Variants in FRY observed in about 807,000 individuals in gnomAD.
The protein encoded by FRY is protein furry homolog.
Under a neutral mutation model 348.4 loss-of-function variants are expected in FRY, and 128 were observed. The ratio of observed to expected loss-of-function variants is 0.37; its 90% confidence interval spans 0.32 to 0.43. FRY has a LOEUF of 0.43. Ranked by LOEUF, FRY falls within the 20% of genes least tolerant of loss-of-function variation. The probability of loss-of-function intolerance (pLI) is 1.00; values close to 1 mark genes in which losing one functional copy is unlikely to be tolerated. For missense variants in FRY, 2,736 were observed against 3,695.2 expected (o/e 0.74, Z 6.73); for synonymous variants, 1,370 against 1,374.7 (o/e 1.00, Z 0.08).
chr13:32,101,436 T>A (rs1398262318), intron 2 of FRY, among the ~76,000 whole-genome samples: 1 of 152,248 alleles, frequency 6.6e-6, no homozygotes, highest in Non-Finnish European at 1.5e-5. Flanking sequence ...AACATGAGCA[T>A]GCAGATATCT....
At chr13:32,070,283 C>T (rs1378875774) in intron 1 of FRY, among the ~76,000 whole-genome samples, 4 of 152,160 alleles carry the variant, frequency 2.6e-5, no homozygotes, top group Admixed American at 6.5e-5. Flanking sequence ...CTTGAGGAAT[C>T]GCCACACAGT....
chr13:32,058,449 AG>A (rs2138431632), intron 1 of FRY, among the ~76,000 whole-genome samples: 1 of 152,318 alleles, frequency 6.6e-6, no homozygotes, highest in South Asian at 2.1e-4. Context: ...GAAATGTGAA[AG>A]GCATTCTCTT....
intron 35 of FRY, among the ~76,000 whole-genome samples, chr13:32,216,398 C>T (rs1300772725): frequency 6.6e-6 from 1 of 152,194 alleles, no homozygotes; most frequent in Non-Finnish European, 1.5e-5. Context: ...GGGACTTGCT[C>T]CTCCCCTTTA....
At chr13:32,216,024 T>C (rs1247722954) in intron 35 of FRY, among the ~76,000 whole-genome samples, 1 of 152,214 alleles carries the variant, frequency 6.6e-6, no homozygotes, top group African/African-American at 2.4e-5. Flanking sequence ...TCTAAATTGA[T>C]AGTGTTGATA....
rs745662126 is a variant in FRY, at chr13:32,185,010, C to T, written c.3181C>T (p.Leu1061=). The T allele has an allele frequency of 6.2e-7, 1 of 1,613,832 alleles. No individual in the cohort carries two copies. The highest frequency in any genetic ancestry group is 8.5e-7 in the Non-Finnish European group (1 of 1,179,930). The part of the protein sequence containing the change: ...NGALERDTLA[L]GALFLEYVDL... Reference sequence around the variant, plus strand: ...AGCCCTAGAGCGGGATACTTTAGCCCTGGGAGCTTTGTTCTTAGAATATGT... The same window carrying T: ...AGCCCTAGAGCGGGATACTTTAGCCTTGGGAGCTTTGTTCTTAGAATATGT... Residue 1061 remains leucine, a synonymous_variant, in exon 26 of 61, where the codon CTG becomes TTG. Transcript: ENST00000542859.
At chr13:32,274,615 A>G (rs936312711) in intron 55 of FRY, among the ~76,000 whole-genome samples, 7 of 148,750 alleles carry the variant, frequency 4.7e-5, no homozygotes, top group Admixed American at 6.8e-5. Context: ...GAGGCAGGAG[A>G]ATGGCGTGAA....
At chr13:32,287,809 C>T (rs1257449127) in intron 58 of FRY, 2 of 1,066,032 alleles carry the variant, frequency 1.9e-6, no homozygotes, top group East Asian at 5.0e-5. Flanking sequence ...TGCATGCAGA[C>T]ACTGACCCTG....
rs755355616 is a variant in FRY, at chr13:32,247,491, G to A, written c.6997G>A (p.Asp2333Asn). Residue 2333 changes from aspartate (D) to asparagine (N), a missense_variant, in exon 48 of 61, where the codon GAT becomes AAT. This residue lies in a region of FRY where 789 missense variants were observed against 996.2 expected (regional missense o/e 0.79). Transcript: ENST00000542859. ...TGGGAAAACCCTGGACTTCCACTTC[G>A]ATATTTCGGAGGTACTTAGCTATGT... Reference protein sequence around the residue: ...LPGKTLDFHFDISETPIIGRR... With the variant: ...LPGKTLDFHFNISETPIIGRR... The A allele has an allele frequency of 1.4e-5, 22 of 1,611,330 alleles. No homozygotes were observed. The highest frequency in any genetic ancestry group is 1.7e-4 in the Middle Eastern group (1 of 6,058).
chr13:32,212,447 A>C (rs903200071), intron 35 of FRY, 65 bp downstream of exon 35: 8 of 953,776 alleles, frequency 8.4e-6, no homozygotes, highest in Non-Finnish European at 1.0e-5. Context: ...CATAGACATC[A>C]ATACAGGTTT....
chr13:32,217,036 T>A (rs567101292), intron 35 of FRY, among the ~76,000 whole-genome samples: 11 of 152,370 alleles, frequency 7.2e-5, no homozygotes, highest in African/African-American at 2.4e-4. Flanking sequence ...GATGGGCATC[T>A]TAATGGTACA....
chr13:32,250,979 G>T (rs986391881), intron 49 of FRY, among the ~76,000 whole-genome samples: 1 of 152,166 alleles, frequency 6.6e-6, no homozygotes, highest in Non-Finnish European at 1.5e-5. Flanking sequence ...CTCTGACCTT[G>T]AGCAGACACC....
chr13:32,149,297 T>A (rs1415414591), intron 13 of FRY, among the ~76,000 whole-genome samples: 1 of 151,730 alleles, frequency 6.6e-6, no homozygotes, highest in African/African-American at 2.4e-5. Flanking sequence ...ACATGCAGAA[T>A]TACTTGTTAT....
chr13:32,178,030 A>G, intron 20 of FRY, 147 bp from the exon 21 acceptor site: 1 of 782,070 alleles, frequency 1.3e-6, no homozygotes, highest in Non-Finnish European at 2.2e-6. Flanking sequence ...CAAATGTGGT[A>G]GGTGCAGGAT....
Position 32,251,865 on chromosome 13 carries a change from G to A in FRY, c.7171-13G>A, listed in dbSNP as rs745316262. On this transcript the variant is annotated splice_polypyrimidine_tract_variant and intron_variant, in intron 49 of 60. Coordinates refer to ENST00000542859, the MANE Select transcript of FRY (RefSeq NM_023037.3). Reference sequence around the variant, plus strand: ...GAACCCATAATGAAACCTGCCTTGTGTTTCTTTTCCAGAAGAGAACAAAAG... The same window carrying A: ...GAACCCATAATGAAACCTGCCTTGTATTTCTTTTCCAGAAGAGAACAAAAG... 9 of 1,602,634 alleles carry A rather than the reference G, an allele frequency of 5.6e-6. No individual in the cohort carries two copies. The highest frequency in any genetic ancestry group is 7.7e-6 in the Non-Finnish European group (9 of 1,169,626).
intron 29 of FRY, among the ~76,000 whole-genome samples, chr13:32,196,892 T>G (rs1302989081): frequency 2.0e-5 from 3 of 152,216 alleles, no homozygotes; most frequent in Admixed American, 6.5e-5. Context: ...GGCTTCTGTG[T>G]GTGTCCTAAT....
rs147103436 is a variant in FRY at position 32,119,858 on chromosome 13, T to C, written c.464+2385T>C. On this transcript the variant is annotated intron_variant, in intron 4 of 60. Coordinates refer to ENST00000542859, the MANE Select transcript of FRY (RefSeq NM_023037.3). Reference sequence around the variant, plus strand: ...TCATAAATGATCCTGAAAGAATGAGTTCCTACTCTGTTGATACATTTACTC... The same window carrying C: ...TCATAAATGATCCTGAAAGAATGAGCTCCTACTCTGTTGATACATTTACTC... 3.9e-3 allele frequency among the ~76,000 whole-genome samples: 596 copies of C among 152,272 alleles called. 3 individuals carry two copies. Among genetic ancestry groups the C allele is most frequent in the Middle Eastern group, 6.8e-3 (2 of 294 alleles).
At chr13:32,273,982 G>A (rs1888353397) in intron 55 of FRY, among the ~76,000 whole-genome samples, 1 of 152,146 alleles carries the variant, frequency 6.6e-6, no homozygotes, top group South Asian at 2.1e-4. Context: ...AAGTGGTTAT[G>A]TATCTGCAAG....
intron 49 of FRY, among the ~76,000 whole-genome samples, chr13:32,251,184 A>C (rs1452150725): frequency 6.6e-5 from 10 of 152,216 alleles, no homozygotes; most frequent in Non-Finnish European, 1.5e-4. Flanking sequence ...CTCACCAATC[A>C]TTCTGAGACC....
At chr13:32,128,165 A>G (rs1879141535) in intron 7 of FRY, among the ~76,000 whole-genome samples, 1 of 152,172 alleles carries the variant, frequency 6.6e-6, no homozygotes, top group South Asian at 2.1e-4. Flanking sequence ...TCTGCTTCCT[A>G]CCTTTTATCC....
Sources: gnomAD v4.1 joint callset for allele counts (sites outside exome capture counted in the v4.1 genomes callset) on GRCh38, gnomAD v4.1.1 for gene constraint, gnomAD v4.1.1 regional missense constraint, MANE v1.5 for transcripts, NCBI Gene and HGNC (gene_info 2026-07-23, HGNC 2026-07-21) for gene names.